TRIM33: variants seen among roughly 807,000 people sequenced by gnomAD.
The protein encoded by TRIM33 is tripartite motif containing 33, also known as E3 ubiquitin-protein ligase TRIM33.
Under a neutral mutation model 125.4 loss-of-function variants are expected in TRIM33, and 20 were observed. That is an observed-to-expected ratio of 0.16 (90% CI 0.11 to 0.23). The LOEUF (loss-of-function observed/expected upper bound fraction) is 0.23, where lower values mean the gene tolerates loss of function less well. TRIM33 is among the 10% of genes least tolerant of loss of function. The probability of loss-of-function intolerance (pLI) is 1.00; values close to 1 mark genes in which losing one functional copy is unlikely to be tolerated. For missense variants in TRIM33, 920 were observed against 1,411.4 expected (o/e 0.65, Z 5.58); for synonymous variants, 564 against 513.9 (o/e 1.10, Z -1.32).
intron 1 of TRIM33, among the ~76,000 whole-genome samples, chr1:114,479,276 A>C (rs1419326487): frequency 6.6e-6 from 1 of 152,206 alleles, no homozygotes; most frequent in African/African-American, 2.4e-5. Flanking sequence ...AAAATGTCAA[A>C]ACCTGATGAA....
intron 4 of TRIM33, among the ~76,000 whole-genome samples, chr1:114,458,869 T>C (rs779873245): frequency 5.3e-5 from 8 of 152,068 alleles, no homozygotes; most frequent in Admixed American, 6.6e-5. Context: ...GGCAGCAATA[T>C]AGACAGGATG....
At position 114,425,659 on chromosome 1, in the gene TRIM33, A is replaced by G. The variant is rs1647518466; in HGVS notation, c.1485T>C (p.Val495=). 6.2e-7 allele frequency: 1 copy of G among 1,614,142 alleles called. No individual in the cohort carries two copies. The highest frequency in any genetic ancestry group is 2.2e-5 in the East Asian group (1 of 44,878). The change falls in exon 9 of 20, where the codon GTT becomes GTC. Residue 495 remains valine (V), a synonymous_variant. Coordinates refer to ENST00000358465, the MANE Select transcript of TRIM33 (RefSeq NM_015906.4). The part of the protein sequence containing the change: ...GYTPNVVVGQ[V]PPGTNHISKT... ...TACTAATGTGGTTTGTCCCTGGAGG[A>G]ACTTGCCCAACTACAACATTAGGAG...
Position 114,511,160 on chromosome 1 carries a change from G to C in TRIM33, c.-84C>G. ...GCCGCCGCCCCCAGCCCCAGCCGCA[G>C]CCGCAGCAAGAGCGGCAGCCGAGAG... is the stretch of plus-strand genomic sequence containing the variant. On this transcript the variant is annotated 5_prime_UTR_variant, in exon 1 of 20. Coordinates refer to ENST00000358465, the MANE Select transcript of TRIM33 (RefSeq NM_015906.4). 1 of 1,048,698 alleles carries C rather than the reference G, an allele frequency of 9.5e-7. No homozygotes were observed. Among genetic ancestry groups the C allele is most frequent in the Non-Finnish European group, 1.1e-6 (1 of 870,360 alleles). The allele number at this position is 1,048,698 out of a possible 1,614,324, so 65.0% of individuals were successfully genotyped here. A position where few individuals can be genotyped will look rare whatever the true frequency, so the allele number is the denominator to read the frequency against.
intron 1 of TRIM33, among the ~76,000 whole-genome samples, chr1:114,490,470 ACAGTTGG>A (rs1377523783): frequency 2.6e-5 from 4 of 152,222 alleles, no homozygotes; most frequent in African/African-American, 9.7e-5. Flanking sequence ...ACTTCAGATA[ACAGTTGG>A]CAGATCCTCA....
intron 4 of TRIM33, among the ~76,000 whole-genome samples, chr1:114,436,290 T>C (rs1193490073): frequency 6.7e-6 from 1 of 148,566 alleles, no homozygotes; most frequent in Non-Finnish European, 1.5e-5. Flanking sequence ...TAGTCCCAGC[T>C]AGTTGAGATG....
chr1:114,507,483 G>A (rs1653068816), intron 1 of TRIM33, among the ~76,000 whole-genome samples: 1 of 152,210 alleles, frequency 6.6e-6, no homozygotes, highest in Admixed American at 6.5e-5. Flanking sequence ...AAAAGATGGT[G>A]AGTTAAAACC....
chr1:114,493,486 T>C (rs1652191560), intron 1 of TRIM33, among the ~76,000 whole-genome samples: 1 of 152,234 alleles, frequency 6.6e-6, no homozygotes, highest in Non-Finnish European at 1.5e-5. Context: ...GATCTCACTA[T>C]GTTGCCCAAG....
chr1:114,424,042 T>A (rs1647384403), intron 10 of TRIM33, among the ~76,000 whole-genome samples: 1 of 152,108 alleles, frequency 6.6e-6, no homozygotes, highest in African/African-American at 2.4e-5. Flanking sequence ...TACTCATATC[T>A]CCCATATAAA....
Position 114,394,110 on chromosome 1 carries a change from T to G in TRIM33, c.*3538A>C, listed in dbSNP as rs1651418054. On this transcript the variant is annotated 3_prime_UTR_variant, in exon 20 of 20. Coordinates refer to ENST00000358465, the MANE Select transcript of TRIM33 (RefSeq NM_015906.4). ...TCATTAACATAGATGGTACAGAAAT[T>G]AAGAATTCATGGTATGAATTAAGAA... The G allele has an allele frequency of 8.8e-6, 2 of 228,550 alleles. No individual in the cohort carries two copies. Among genetic ancestry groups the G allele is most frequent in the South Asian group, 3.6e-4 (2 of 5,490 alleles). 14.2% of individuals were successfully genotyped at this position (228,550 alleles called of 1,614,324 possible).
intron 4 of TRIM33, among the ~76,000 whole-genome samples, chr1:114,457,757 G>A (rs1649709082): frequency 6.6e-6 from 1 of 152,152 alleles, no homozygotes; most frequent in Non-Finnish European, 1.5e-5. Flanking sequence ...CAATTCCAAG[G>A]TGAATGGACA....
intron 1 of TRIM33, among the ~76,000 whole-genome samples, chr1:114,470,081 A>G (rs1053405690): frequency 4.6e-5 from 7 of 152,208 alleles, no homozygotes; most frequent in Non-Finnish European, 8.8e-5. Context: ...GAAGAACACT[A>G]ATATCTTATA....
chr1:114,424,399 A>T (rs932566015), intron 10 of TRIM33, among the ~76,000 whole-genome samples, 192 bp downstream of exon 10: 3 of 152,208 alleles, frequency 2.0e-5, no homozygotes, highest in Non-Finnish European at 4.4e-5. Flanking sequence ...ATGCACTTAA[A>T]GCATTTTTTA....
chr1:114,470,304 G>T (rs2101425728), intron 1 of TRIM33, among the ~76,000 whole-genome samples: 1 of 152,230 alleles, frequency 6.6e-6, no homozygotes, highest in South Asian at 2.1e-4. Flanking sequence ...TGTGCTCACT[G>T]TGCGTCTTTC....
chr1:114,483,450 T>C (rs1651477549), intron 1 of TRIM33, among the ~76,000 whole-genome samples: 1 of 151,554 alleles, frequency 6.6e-6, no homozygotes, highest in Admixed American at 6.6e-5. Context: ...GGAGTCTCTG[T>C]CTGTGGCCCA....
chr1:114,397,607 GTTTT>G lies in TRIM33; in HGVS notation c.*37_*40del, dbSNP rs370757901. 1.8e-5 allele frequency: 10 copies of G among 568,514 alleles called. No homozygotes were observed. The South Asian group carries it at 3.8e-4, about 22-fold the overall frequency. 35.2% of individuals were successfully genotyped at this position (568,514 alleles called of 1,614,324 possible). A position where few individuals can be genotyped will look rare whatever the true frequency, so the allele number is the denominator to read the frequency against. On this transcript the variant is annotated 3_prime_UTR_variant, in exon 20 of 20. Coordinates refer to ENST00000358465, the MANE Select transcript of TRIM33 (RefSeq NM_015906.4). ...TTTTTGTGTTTTTTTTTTTTTTTTCGTTTTTTTTTTTTTAAACAATTGATTTAAA... is the reference window on the plus strand; with the variant it reads ...TTTTTGTGTTTTTTTTTTTTTTTTCGTTTTTTTTTAAACAATTGATTTAAA...
chr1:114,458,542 G>A (rs1477872184), intron 4 of TRIM33, among the ~76,000 whole-genome samples: 2 of 152,126 alleles, frequency 1.3e-5, no homozygotes, highest in East Asian at 3.9e-4. Context: ...TTTCATCCCT[G>A]ACCCAAGCAA....
chr1:114,461,290 AT>A (rs1297196640), intron 4 of TRIM33, among the ~76,000 whole-genome samples: 5 of 111,972 alleles, frequency 4.5e-5, no homozygotes, highest in African/African-American at 1.1e-4. Flanking sequence ...ATTATTATAT[AT>A]TTATATATTA....
chr1:114,469,553 AG>A (rs750175643), intron 1 of TRIM33, among the ~76,000 whole-genome samples: 4 of 152,226 alleles, frequency 2.6e-5, no homozygotes, highest in Non-Finnish European at 5.9e-5. Context: ...AAGATAATTT[AG>A]TTCTTATAAC....
intron 4 of TRIM33, among the ~76,000 whole-genome samples, chr1:114,449,666 TA>T (rs139139810): frequency 0.069 from 10,497 of 152,128 alleles, 366 homozygotes; most frequent in South Asian, 0.075. Flanking sequence ...AGTGTGGTCT[TA>T]AAAGTGACTA....
Sources: allele counts gnomAD v4.1 joint callset (sites outside exome capture counted in the v4.1 genomes callset), GRCh38; gene constraint gnomAD v4.1.1; transcripts MANE v1.5; gene names NCBI Gene and HGNC (gene_info 2026-07-23, HGNC 2026-07-21).